Variants in KMO observed in about 807,000 individuals in gnomAD.
KMO encodes the protein kynurenine 3-monooxygenase.
Under a neutral mutation model 57.8 loss-of-function variants are expected in KMO, and 24 were observed. The ratio of observed to expected loss-of-function variants is 0.42; its 90% CI spans 0.30 to 0.58. The LOEUF is 0.58. Among genes scored for constraint, KMO ranks in the 20% least tolerant of loss-of-function variants. The pLI, the probability that KMO is intolerant of heterozygous loss-of-function variation, is 0.22. For missense variants in KMO, 483 were observed against 588.2 expected (o/e 0.82, Z 1.85); for synonymous variants, 210 against 193.6 (o/e 1.08, Z -0.70).
intron 4 of KMO, among the ~76,000 whole-genome samples, chr1:241,553,578 C>T (rs1228073080): frequency 3.3e-5 from 5 of 152,102 alleles, no homozygotes; most frequent in Admixed American, 6.6e-5. Context: ...CTCCCAGCAA[C>T]TTGGGAGACT....
At position 241,586,659 on chromosome 1, in the gene KMO, C is replaced by CTTTTT; in HGVS notation, c.958-15_958-11dup. On this transcript the variant is annotated intron_variant, in intron 10 of 14. Transcript: ENST00000366559. ...TTATTATTTCTAGTTTCTTATTTCT[C>CTTTTT]TTTTTTTTTCTTGTTTCAGGGCTTT... The CTTTTT allele has an allele frequency of 6.7e-7, 1 of 1,486,294 alleles. No homozygotes were observed. The highest frequency in any genetic ancestry group is 9.2e-7 in the Non-Finnish European group (1 of 1,084,978). 92.1% of individuals were successfully genotyped at this position (1,486,294 alleles called of 1,614,324 possible).
intron 12 of KMO, 95 bp downstream of exon 12, chr1:241,588,925 G>A: frequency 1.2e-6 from 1 of 829,498 alleles, no homozygotes; most frequent in Non-Finnish European, 2.0e-6. Flanking sequence ...CCCATCTCAT[G>A]CATGCTATAT....
At chr1:241,562,015 G>T (rs764072058) in intron 6 of KMO, 152 bp from the exon 7 acceptor site, 5 of 626,386 alleles carry the variant, frequency 8.0e-6, no homozygotes, top group Non-Finnish European at 1.4e-5. Context: ...TCATCTAAAT[G>T]TTACATCTAT....
chr1:241,542,691 T>G (rs1661001546), intron 1 of KMO, among the ~76,000 whole-genome samples: 1 of 152,226 alleles, frequency 6.6e-6, no homozygotes, highest in South Asian at 2.1e-4. Context: ...CTGCCCAATT[T>G]CTTCTCTCCT....
In KMO at chr1:241,592,774, C is replaced by CTATA; in HGVS notation, c.*624_*625insATAT. The CTATA allele has an allele frequency of 6.7e-6, 1 of 148,236 alleles. No homozygotes were observed. The highest frequency in any genetic ancestry group is 1.5e-5 in the Non-Finnish European group (1 of 66,566). The allele number at this position is 148,236 out of a possible 1,614,324, so 9.2% of individuals were successfully genotyped here. On this transcript the variant is annotated 3_prime_UTR_variant, in exon 15 of 15. Transcript: ENST00000366559. Reference sequence around the variant, plus strand: ...ATCTATCATCTATCTATCTATCTATCTATCTATCTATCTATCTATCTATCT... The same window carrying CTATA: ...ATCTATCATCTATCTATCTATCTATCTATATATCTATCTATCTATCTATCTATCT...
intron 1 of KMO, among the ~76,000 whole-genome samples, chr1:241,545,891 T>A (rs1661129504): frequency 6.6e-6 from 1 of 151,978 alleles, no homozygotes; most frequent in Non-Finnish European, 1.5e-5. Context: ...GCTAAACCCC[T>A]CAGCAAGGGG....
At chr1:241,541,404 CAGA>C (rs1292424550) in intron 1 of KMO, among the ~76,000 whole-genome samples, 13 of 152,072 alleles carry the variant, frequency 8.5e-5, no homozygotes, top group Admixed American at 6.6e-5. Flanking sequence ...ATACAGAATA[CAGA>C]AGAAGGAGAA....
intron 5 of KMO, 57 bp downstream of exon 5, chr1:241,555,717 T>A (rs1661591299): frequency 9.9e-7 from 1 of 1,006,866 alleles, no homozygotes; most frequent in Non-Finnish European, 1.6e-6. Context: ...ATGACACTAA[T>A]CTTGTCATAT....
intron 1 of KMO, among the ~76,000 whole-genome samples, chr1:241,542,543 A>T (rs546539088): frequency 6.6e-6 from 1 of 152,378 alleles, no homozygotes; most frequent in African/African-American, 2.4e-5. Context: ...ACTATCGTGA[A>T]CGTTTGGTGC....
intron 10 of KMO, among the ~76,000 whole-genome samples, chr1:241,578,526 G>A (rs147731777): frequency 1.1e-4 from 16 of 152,232 alleles, no homozygotes; most frequent in African/African-American, 3.6e-4. Flanking sequence ...TGTGGGGAAT[G>A]TCTGCAAGGG....
chr1:241,535,223 C>CTCTATGTA (rs1660715955), intron 1 of KMO, among the ~76,000 whole-genome samples: 1 of 151,946 alleles, frequency 6.6e-6, no homozygotes, highest in Non-Finnish European at 1.5e-5. Flanking sequence ...ACATAGAGGA[C>CTCTATGTA]AAGATTACAT....
intron 10 of KMO, among the ~76,000 whole-genome samples, chr1:241,582,444 G>A (rs956652998): frequency 1.3e-5 from 2 of 152,044 alleles, no homozygotes; most frequent in Admixed American, 1.3e-4. Context: ...GATCTTATAT[G>A]TATGCTTAAT....
intron 1 of KMO, among the ~76,000 whole-genome samples, chr1:241,544,684 T>C (rs1661080708): frequency 6.6e-6 from 1 of 152,234 alleles, no homozygotes; most frequent in Non-Finnish European, 1.5e-5. Flanking sequence ...ACTTGACTTA[T>C]TCTTTTTGTT....
At chr1:241,576,442 G>A (rs1029495452) in intron 10 of KMO, among the ~76,000 whole-genome samples, 1 of 151,994 alleles carries the variant, frequency 6.6e-6, no homozygotes, top group African/African-American at 2.4e-5. Flanking sequence ...AGCATTTCTT[G>A]TAAGGCTCAT....
chr1:241,577,314 C>T (rs1338351305), intron 10 of KMO, among the ~76,000 whole-genome samples: 1 of 152,046 alleles, frequency 6.6e-6, no homozygotes, highest in Admixed American at 6.5e-5. Flanking sequence ...CCTGTTTTGT[C>T]ATATTACCGG....
chr1:241,542,630 C>T (rs1380032249), intron 1 of KMO, among the ~76,000 whole-genome samples: 1 of 152,200 alleles, frequency 6.6e-6, no homozygotes, highest in African/African-American at 2.4e-5. Context: ...TAAGGCTTTA[C>T]CCTCAGAACC....
intron 1 of KMO, among the ~76,000 whole-genome samples, chr1:241,546,714 T>C (rs947210164): frequency 2.0e-5 from 3 of 152,126 alleles, no homozygotes; most frequent in African/African-American, 7.2e-5. Context: ...ATTGATGAGA[T>C]GGGAGGCGAT....
At chr1:241,563,885 A>G (rs1320349665) in intron 7 of KMO, among the ~76,000 whole-genome samples, 1 of 152,122 alleles carries the variant, frequency 6.6e-6, no homozygotes, top group East Asian at 1.9e-4. Context: ...TGTGAAATAG[A>G]CACTTGCACT....
At chr1:241,540,069 A>G (rs1422344824) in intron 1 of KMO, among the ~76,000 whole-genome samples, 1 of 152,238 alleles carries the variant, frequency 6.6e-6, no homozygotes, top group African/African-American at 2.4e-5. Context: ...GAAAGAAATT[A>G]TGAAAGAAAA....
Sources: gnomAD v4.1 joint callset for allele counts (sites outside exome capture counted in the v4.1 genomes callset) on GRCh38, gnomAD v4.1.1 for gene constraint, MANE v1.5 for transcripts, NCBI Gene and HGNC (gene_info 2026-07-23, HGNC 2026-07-21) for gene names.